Variants in TRPM6 observed in about 807,000 individuals in gnomAD.
The protein encoded by TRPM6 is transient receptor potential cation channel subfamily M member 6.
A neutral mutation model predicts 247.6 loss-of-function variants in TRPM6; 111 were observed. That is an observed-to-expected ratio of 0.45 (90% CI 0.38 to 0.52). The LOEUF is 0.52. Ranked by LOEUF, TRPM6 falls within the 20% of genes least tolerant of loss-of-function variation. The probability of loss-of-function intolerance (pLI) is 0.00; values close to 1 mark genes in which losing one functional copy is unlikely to be tolerated. For synonymous variants in TRPM6, 892 were observed against 853.8 expected (o/e 1.04, Z -0.78); for missense variants, 2,126 against 2,421.5 (o/e 0.88, Z 2.56).
intron 3 of TRPM6, among the ~76,000 whole-genome samples, chr9:74,843,074 G>A (rs549609174): frequency 6.6e-6 from 1 of 152,238 alleles, no homozygotes; most frequent in African/African-American, 2.4e-5. Flanking sequence ...TATCAACTAG[G>A]TTTATGTCAT....
intron 3 of TRPM6, among the ~76,000 whole-genome samples, chr9:74,846,433 T>A (rs1240144503): frequency 1.3e-5 from 2 of 152,214 alleles, no homozygotes; most frequent in East Asian, 3.8e-4. Context: ...TTTAAAACAA[T>A]TATATTGTTT....
rs1227562626 is a variant in TRPM6, at chr9:74,808,109, A to G, written c.1563T>C (p.Ile521=). Residue 521 remains isoleucine, a synonymous_variant, in exon 14 of 39, where the codon ATT becomes ATC. Coordinates refer to ENST00000360774, the MANE Select transcript of TRPM6 (RefSeq NM_017662.5). The part of the protein sequence containing the change: ...IDIGLVVEYL[I]GRAYRSNYTR... ...TGTAGTTGCTGCGATATGCTCTACC[A>G]ATGAGGTATTCTACTACTAATCCAA... 1.9e-6 allele frequency: 3 copies of G among 1,613,958 alleles called. No individual in the cohort carries two copies. In the East Asian group the frequency reaches 6.7e-5, roughly 36 times the overall value.
intron 4 of TRPM6, among the ~76,000 whole-genome samples, chr9:74,841,487 CA>C (rs1315430367): frequency 1.3e-5 from 2 of 151,660 alleles, no homozygotes; most frequent in Non-Finnish European, 2.9e-5. Context: ...AAACAATTTC[CA>C]ATTCATCTTT....
At chr9:74,786,423 G>GA (rs1166722589) in intron 20 of TRPM6, among the ~76,000 whole-genome samples, 3 of 152,182 alleles carry the variant, frequency 2.0e-5, no homozygotes, top group African/African-American at 7.2e-5. Context: ...AATAGCATGA[G>GA]AAAACACCAA....
chr9:74,832,603 A>G (rs530282134), intron 6 of TRPM6, among the ~76,000 whole-genome samples: 3 of 152,346 alleles, frequency 2.0e-5, no homozygotes, highest in South Asian at 2.1e-4. Flanking sequence ...ATTTGCTTCA[A>G]AATAACGGAG....
intron 7 of TRPM6, among the ~76,000 whole-genome samples, chr9:74,824,903 T>C (rs1011038355): frequency 1.3e-5 from 2 of 152,088 alleles, no homozygotes; most frequent in African/African-American, 4.8e-5. Flanking sequence ...TTTTAAAGTA[T>C]TCTCTGCCAA....
At chr9:74,838,056 T>C (rs34048215) in intron 5 of TRPM6, among the ~76,000 whole-genome samples, 46,436 of 152,018 alleles carry the variant, frequency 0.31, 7,602 homozygotes, top group Middle Eastern at 0.49. Flanking sequence ...GGCCTGACTG[T>C]TGTTTAGTGG....
At chr9:74,801,235 G>C (rs1828321036) in intron 16 of TRPM6, among the ~76,000 whole-genome samples, 1 of 134,838 alleles carries the variant, frequency 7.4e-6, no homozygotes, top group Non-Finnish European at 1.5e-5. Context: ...ACTGCACCAA[G>C]CCTGGGAATT....
intron 36 of TRPM6, among the ~76,000 whole-genome samples, chr9:74,735,844 G>A (rs1825678200): frequency 6.6e-6 from 1 of 152,080 alleles, no homozygotes. Context: ...CAGCTTCTGG[G>A]GTTAGTTATT....
chr9:74,839,667 T>C (rs1293304375), intron 5 of TRPM6, among the ~76,000 whole-genome samples: 1 of 151,994 alleles, frequency 6.6e-6, no homozygotes, highest in African/African-American at 2.4e-5. Context: ...TAAAATAGTA[T>C]ATTCTGACAA....
intron 22 of TRPM6, 58 bp from the exon 23 acceptor site, chr9:74,782,534 C>T: frequency 6.7e-7 from 1 of 1,485,174 alleles, no homozygotes; most frequent in Non-Finnish European, 9.4e-7. Context: ...TCCTGCCACT[C>T]TAGACACACA....
chr9:74,806,115 T>G (rs1340048346), intron 14 of TRPM6, among the ~76,000 whole-genome samples: 1 of 152,200 alleles, frequency 6.6e-6, no homozygotes, highest in Non-Finnish European at 1.5e-5. Flanking sequence ...AGATTTGATC[T>G]TAAATAATCT....
Position 74,739,454 on chromosome 9 carries a change from A to T in TRPM6, c.5488-5T>A, listed in dbSNP as rs185898886. The T allele has an allele frequency of 2.5e-6, 4 of 1,613,458 alleles. No homozygotes were observed. Among genetic ancestry groups the T allele is most frequent in the Non-Finnish European group, 1.7e-6 (2 of 1,179,388 alleles). On this transcript the variant is annotated splice_polypyrimidine_tract_variant and splice_region_variant and intron_variant, in intron 34 of 38. Transcript: ENST00000360774. Reference sequence around the variant, plus strand: ...AGCTCTTTGTTGTTGAATTTCCTACAAAATAGGGAGCACTGATAAAAATAC... The same window carrying T: ...AGCTCTTTGTTGTTGAATTTCCTACTAAATAGGGAGCACTGATAAAAATAC...
chr9:74,839,427 T>C (rs1020553887), intron 5 of TRPM6, among the ~76,000 whole-genome samples: 1 of 152,090 alleles, frequency 6.6e-6, no homozygotes, highest in African/African-American at 2.4e-5. Flanking sequence ...TTGGCAATCA[T>C]GTAGTTAAAA....
At chr9:74,757,421 CT>C (rs1244774876) in intron 27 of TRPM6, among the ~76,000 whole-genome samples, 7 of 151,598 alleles carry the variant, frequency 4.6e-5, no homozygotes, top group Non-Finnish European at 1.0e-4. Context: ...CAAAAATCAG[CT>C]GGGCGGGGTG....
At chr9:74,728,377 A>G (rs1563986136) in intron 37 of TRPM6, 32 bp from the exon 38 acceptor site, 1 of 1,477,650 alleles carries the variant, frequency 6.8e-7, no homozygotes, top group African/African-American at 1.4e-5. Context: ...CAATTAGATC[A>G]CAGCTAAGAA....
chr9:74,749,940 G>A (rs1357645310), intron 30 of TRPM6, among the ~76,000 whole-genome samples: 1 of 152,206 alleles, frequency 6.6e-6, no homozygotes, highest in Non-Finnish European at 1.5e-5. Context: ...CTTCCATAGA[G>A]TAGATGGTTT....
chr9:74,853,083 A>T (rs1333053577), intron 3 of TRPM6, among the ~76,000 whole-genome samples: 4 of 145,578 alleles, frequency 2.7e-5, no homozygotes, highest in Non-Finnish European at 6.0e-5. Context: ...GGATGTGAGG[A>T]GCGCCTCTGC....
chr9:74,876,913 G>A (rs900433277), intron 1 of TRPM6, among the ~76,000 whole-genome samples: 1 of 152,120 alleles, frequency 6.6e-6, no homozygotes, highest in Non-Finnish European at 1.5e-5. Context: ...CTGAAGCACT[G>A]GATCAAAAAT....
Sources: allele counts gnomAD v4.1 joint callset (sites outside exome capture counted in the v4.1 genomes callset), GRCh38; gene constraint gnomAD v4.1.1; transcripts MANE v1.5; gene names NCBI Gene and HGNC (gene_info 2026-07-23, HGNC 2026-07-21).